DLC1: variants seen among roughly 807,000 people sequenced by gnomAD.
The protein encoded by DLC1 is rho GTPase-activating protein 7.
DLC1 carries 54 observed loss-of-function variants against 140.3 expected under a neutral mutation model. The ratio of observed to expected loss-of-function variants is 0.38; its 90% confidence interval spans 0.31 to 0.48. DLC1 has a LOEUF of 0.48. Among genes scored for constraint, DLC1 ranks in the 20% least tolerant of loss-of-function variants. DLC1 has a pLI of 0.96. For missense variants in DLC1, 2,536 were observed against 1,907.0 expected (o/e 1.33, Z -6.14); for synonymous variants, 986 against 728.1 (o/e 1.35, Z -5.70).
chr8:13,444,529 A>T (rs1162999696), intron 2 of DLC1, among the ~76,000 whole-genome samples: 1 of 152,202 alleles, frequency 6.6e-6, no homozygotes, highest in South Asian at 2.1e-4. Flanking sequence ...CGAAGTGGCA[A>T]GTTTAGGTGC....
rs73665147 is a variant in DLC1 at position 13,574,923 on chromosome 8, G to A, written c.-126+29614C>T. On this transcript the variant is annotated intron_variant, in intron 1 of 1. Transcript: ENST00000631382. ...TAATAACTTAGCTCATTCTGCAGCA[G>A]CATAGTAAACAGGTTGAAAAGAAGT... Among the ~76,000 whole-genome samples the A allele has an allele frequency of 1.8e-3, 278 of 152,326 alleles. 1 individual carries two copies. Among genetic ancestry groups the A allele is most frequent in the African/African-American group, 6.5e-3 (272 of 41,566 alleles).
chr8:13,279,428 C>G (rs1022617420), intron 5 of DLC1, among the ~76,000 whole-genome samples: 2 of 152,202 alleles, frequency 1.3e-5, no homozygotes, highest in Non-Finnish European at 2.9e-5. Context: ...GACCCACAGA[C>G]TTCACCTACT....
intron 2 of DLC1, among the ~76,000 whole-genome samples, chr8:13,457,373 A>G (rs1799441012): frequency 6.6e-6 from 1 of 152,168 alleles, no homozygotes; most frequent in South Asian, 2.1e-4. Flanking sequence ...AAACAAAATC[A>G]AAAGAGATAA....
intron 5 of DLC1, among the ~76,000 whole-genome samples, chr8:13,278,706 G>C (rs1232697275): frequency 6.6e-6 from 1 of 152,112 alleles, no homozygotes; most frequent in Non-Finnish European, 1.5e-5. Flanking sequence ...CTGATTGTCT[G>C]AGTCGTGCAA....
At chr8:13,435,602 C>A (rs563471552) in intron 2 of DLC1, among the ~76,000 whole-genome samples, 1 of 152,224 alleles carries the variant, frequency 6.6e-6, no homozygotes, top group Admixed American at 6.5e-5. Flanking sequence ...GAGTGAGCCA[C>A]TGTGCCCAGC....
intron 5 of DLC1, among the ~76,000 whole-genome samples, chr8:13,171,856 G>T (rs1005480032): frequency 6.6e-6 from 1 of 152,132 alleles, no homozygotes; most frequent in African/African-American, 2.4e-5. Context: ...CCCCAGGTGA[G>T]GGTCAATTGG....
chr8:13,303,793 C>A (rs1302243874), intron 5 of DLC1, among the ~76,000 whole-genome samples: 2 of 151,974 alleles, frequency 1.3e-5, no homozygotes, highest in Non-Finnish European at 2.9e-5. Context: ...CAGAGTGAGA[C>A]TCCATCTCAA....
At chr8:13,142,763 T>C (rs1823097586) in intron 5 of DLC1, among the ~76,000 whole-genome samples, 1 of 152,130 alleles carries the variant, frequency 6.6e-6, no homozygotes, top group African/African-American at 2.4e-5. Flanking sequence ...AGAGTAAAAC[T>C]GGCATGCCAG....
intron 5 of DLC1, among the ~76,000 whole-genome samples, chr8:13,295,691 G>A (rs1404168528): frequency 6.6e-6 from 1 of 152,176 alleles, no homozygotes; most frequent in Non-Finnish European, 1.5e-5. Flanking sequence ...AATACGAGAA[G>A]TATAGTCATG....
At chr8:13,250,891 A>C (rs563614287) in intron 5 of DLC1, among the ~76,000 whole-genome samples, 1 of 152,286 alleles carries the variant, frequency 6.6e-6, no homozygotes, top group South Asian at 2.1e-4. Context: ...GAAGGATAGA[A>C]TAATGGATAA....
In DLC1 at chr8:13,382,505, C is replaced by CAAAA. The variant is rs71207149; in HGVS notation, c.1314+11044_1314+11047dup. Among the ~76,000 whole-genome samples, 47 of 35,512 alleles carry CAAAA rather than the reference C, an allele frequency of 1.3e-3. 3 individuals carry two copies. The highest frequency in any genetic ancestry group is 4.5e-3 in the African/African-American group (34 of 7,630). The allele number at this position is 35,512 out of a possible 152,430, so 23.3% of individuals were successfully genotyped here. A position where few individuals can be genotyped will look rare whatever the true frequency, so the allele number is the denominator to read the frequency against. ...CCTGGGCGACAGCGAGACTCCGTCT[C>CAAAA]AAAAAAAAAAAAAAAAAAAAAAAAA... On this transcript the variant is annotated intron_variant, in intron 4 of 17. Coordinates refer to ENST00000276297, the MANE Select transcript of DLC1 (RefSeq NM_182643.3).
chr8:13,152,635 C>CAAT (rs3065360), intron 5 of DLC1, among the ~76,000 whole-genome samples: 7,164 of 150,806 alleles, frequency 0.048, 474 homozygotes, highest in East Asian at 0.25. Context: ...CCACCTCTAC[C>CAAT]AATAATAATA....
intron 5 of DLC1, among the ~76,000 whole-genome samples, chr8:13,259,379 A>G (rs375754597): frequency 7.2e-6 from 1 of 139,534 alleles, no homozygotes; most frequent in African/African-American, 3.1e-5. Context: ...ACACGATCTT[A>G]ATTTTACAGA....
chr8:13,205,861 G>A (rs1476027858), intron 5 of DLC1, among the ~76,000 whole-genome samples: 1 of 152,184 alleles, frequency 6.6e-6, no homozygotes, highest in Non-Finnish European at 1.5e-5. Flanking sequence ...TGAAGAGCAA[G>A]AGACCATTGA....
At chr8:13,194,194 C>G (rs1282634032) in intron 5 of DLC1, among the ~76,000 whole-genome samples, 1 of 152,164 alleles carries the variant, frequency 6.6e-6, no homozygotes. Context: ...TTCCAGTAAA[C>G]TAAGGTCCTC....
At position 13,084,527 on chromosome 8, in the gene DLC1, G is replaced by C. The variant is rs892787777; in HGVS notation, c.*1284C>G. 6.6e-6 allele frequency: 1 copy of C among 151,316 alleles called. No individual in the cohort carries two copies. The highest frequency in any genetic ancestry group is 2.1e-4 in the South Asian group (1 of 4,796). The allele number at this position is 151,316 out of a possible 1,614,324, so 9.4% of individuals were successfully genotyped here. A position where few individuals can be genotyped will look rare whatever the true frequency, so the allele number is the denominator to read the frequency against. On this transcript the variant is annotated 3_prime_UTR_variant, in exon 18 of 18. Coordinates refer to ENST00000276297, the MANE Select transcript of DLC1 (RefSeq NM_182643.3). ...AGGTTCTAAAAAACTTCACTGGTTT[G>C]GGTTGGTTTTCTTCTTGTTGCGTTT...
intron 2 of DLC1, among the ~76,000 whole-genome samples, chr8:13,473,775 C>T (rs570327677): frequency 7.9e-5 from 12 of 152,170 alleles, no homozygotes; most frequent in South Asian, 2.1e-4. Flanking sequence ...TTTTCCCCTT[C>T]GCTAGAGATT....
At chr8:13,221,837 T>A (rs1201197409) in intron 5 of DLC1, among the ~76,000 whole-genome samples, 1 of 144,316 alleles carries the variant, frequency 6.9e-6, no homozygotes, top group Non-Finnish European at 1.5e-5. Flanking sequence ...CATCAAAATA[T>A]TAATATAAAA....
chr8:13,601,249 G>C (rs941142086), intron 1 of DLC1, among the ~76,000 whole-genome samples: 4 of 151,748 alleles, frequency 2.6e-5, no homozygotes, highest in Non-Finnish European at 5.9e-5. Context: ...TGATATTTTA[G>C]TTTCCATAAT....
Sources: allele counts gnomAD v4.1 joint callset (sites outside exome capture counted in the v4.1 genomes callset), GRCh38; gene constraint gnomAD v4.1.1; transcripts MANE v1.5; gene names NCBI Gene and HGNC (gene_info 2026-07-23, HGNC 2026-07-21).